The following AGBL4 variants were observed in gnomAD, a reference collection of about 807,000 sequenced individuals.
AGBL4 encodes the protein cytosolic carboxypeptidase 6.
A neutral mutation model predicts 66.4 loss-of-function variants in AGBL4; 58 were observed. The observed-to-expected ratio is 0.87, with a 90% CI of 0.71 to 1.09. The LOEUF (loss-of-function observed/expected upper bound fraction) is 1.09, where lower values mean the gene tolerates loss of function less well. Among genes scored for constraint, AGBL4 ranks in the 50% least tolerant of loss-of-function variants. The pLI, the probability that AGBL4 is intolerant of heterozygous loss-of-function variation, is 0.00. For synonymous variants in AGBL4, 234 were observed against 222.9 expected (o/e 1.05, Z -0.44); for missense variants, 579 against 631.0 (o/e 0.92, Z 0.88).
intron 5 of AGBL4, among the ~76,000 whole-genome samples, chr1:49,019,368 C>G (rs1003438405): frequency 1.3e-5 from 2 of 152,194 alleles, no homozygotes; most frequent in African/African-American, 4.8e-5. Flanking sequence ...TCAAGGAAAG[C>G]AGTTTCTCTT....
intron 9 of AGBL4, among the ~76,000 whole-genome samples, chr1:48,607,330 T>C (rs1257394126): frequency 6.6e-6 from 1 of 152,104 alleles, no homozygotes. Context: ...GAAAGTCTAT[T>C]GAGCAGGCCA....
intron 1 of AGBL4, among the ~76,000 whole-genome samples, chr1:49,963,995 A>C (rs1055764649): frequency 6.6e-5 from 10 of 152,254 alleles, no homozygotes; most frequent in Non-Finnish European, 1.2e-4. Flanking sequence ...CTCATGCAAA[A>C]ATAATTACAA....
In AGBL4 at chr1:49,843,243, C is replaced by T. The variant is rs560555007; in HGVS notation, c.157+8153G>A. 3.9e-5 allele frequency among the ~76,000 whole-genome samples: 6 copies of T among 152,222 alleles called. No individual in the cohort carries two copies. In the East Asian group the frequency reaches 5.8e-4, roughly 15 times the overall value. On this transcript the variant is annotated intron_variant, in intron 2 of 13. Coordinates refer to ENST00000371839, the MANE Select transcript of AGBL4 (RefSeq NM_032785.4). ...CTGGGCTCGGGTGATCCTCCTGCCT[C>T]GGCCTCCTGAGTAGCTGGGACTGCA...
intron 4 of AGBL4, among the ~76,000 whole-genome samples, chr1:49,228,975 T>A (rs2148292635): frequency 6.6e-6 from 1 of 152,288 alleles, no homozygotes; most frequent in African/African-American, 2.4e-5. Context: ...TTCTCCATTC[T>A]CAGCATGCCG....
At chr1:49,113,053 C>T (rs2148025024) in intron 4 of AGBL4, among the ~76,000 whole-genome samples, 1 of 151,744 alleles carries the variant, frequency 6.6e-6, no homozygotes, top group Middle Eastern at 3.4e-3. Flanking sequence ...CCAGGTTGCG[C>T]CATTCTCCTG....
At chr1:48,644,439 C>T (rs563831354) in intron 8 of AGBL4, among the ~76,000 whole-genome samples, 94 of 152,320 alleles carry the variant, frequency 6.2e-4, no homozygotes, top group African/African-American at 1.9e-3. Context: ...CTTCTCTGGA[C>T]TGTGAACTCC....
chr1:49,006,831 G>A (rs1205435116), intron 5 of AGBL4, among the ~76,000 whole-genome samples: 7 of 149,918 alleles, frequency 4.7e-5, no homozygotes, highest in African/African-American at 1.7e-4. Context: ...CTGTTAGAAG[G>A]AAAACTAACA....
In AGBL4 at chr1:49,245,276, AC is replaced by A. The variant is rs1651549489; in HGVS notation, c.377+493del. On this transcript the variant is annotated intron_variant, in intron 4 of 13. Coordinates refer to ENST00000371839, the MANE Select transcript of AGBL4 (RefSeq NM_032785.4). Reference sequence around the variant, plus strand: ...TTAAAATACACACACACACACACACACACACACACACACACACACAAAACAC... The same window carrying A: ...TTAAAATACACACACACACACACACAACACACACACACACACACAAAACAC... Among the ~76,000 whole-genome samples the A allele has an allele frequency of 2.6e-5, 4 of 151,136 alleles. No homozygotes were observed. In the East Asian group the frequency reaches 7.8e-4, roughly 29 times the overall value.
chr1:49,737,853 C>T (rs1650027837), intron 2 of AGBL4, among the ~76,000 whole-genome samples: 3 of 152,186 alleles, frequency 2.0e-5, no homozygotes, highest in African/African-American at 7.2e-5. Flanking sequence ...TCTTAGATGG[C>T]CGAATAGGAA....
intron 4 of AGBL4, among the ~76,000 whole-genome samples, chr1:49,176,088 C>T (rs1473017847): frequency 6.6e-6 from 1 of 152,052 alleles, no homozygotes; most frequent in African/African-American, 2.4e-5. Context: ...TCTGTAGGTA[C>T]ATAGTTAAGT....
chr1:48,890,184 C>T (rs189692636), intron 5 of AGBL4, among the ~76,000 whole-genome samples: 13 of 152,204 alleles, frequency 8.5e-5, no homozygotes, highest in African/African-American at 2.9e-4. Flanking sequence ...CTGTCTCTCA[C>T]GCAGGTTTAC....
intron 5 of AGBL4, among the ~76,000 whole-genome samples, chr1:48,972,864 G>T (rs1365413454): frequency 6.6e-6 from 1 of 152,176 alleles, no homozygotes; most frequent in Non-Finnish European, 1.5e-5. Context: ...CCCACTGTTT[G>T]TTACGCAGTA....
rs555436167 is a variant in AGBL4, at chr1:49,993,807, C to A, written c.34+29956G>T. ...AGGTGTAGATCAACACTACAACTGG[C>A]CCACAATAAGCATATAAATGGAAGC... is the stretch of plus-strand genomic sequence containing the variant. On this transcript the variant is annotated intron_variant, in intron 1 of 13. Coordinates refer to ENST00000371839, the MANE Select transcript of AGBL4 (RefSeq NM_032785.4). Among the ~76,000 whole-genome samples the A allele has an allele frequency of 2.4e-4, 35 of 145,798 alleles. 1 individual carries two copies. In the South Asian group the frequency reaches 7.2e-3, roughly 30 times the overall value.
chr1:49,975,884 G>T (rs147064372), intron 1 of AGBL4, among the ~76,000 whole-genome samples: 1 of 152,262 alleles, frequency 6.6e-6, no homozygotes, highest in East Asian at 1.9e-4. Flanking sequence ...TACTGCTGCT[G>T]CAAGTACTAA....
chr1:48,798,367 C>G (rs1570698580), intron 6 of AGBL4, among the ~76,000 whole-genome samples: 1 of 151,996 alleles, frequency 6.6e-6, no homozygotes, highest in African/African-American at 2.4e-5. Context: ...CTTGTAGATT[C>G]TGGATATTAG....
intron 3 of AGBL4, among the ~76,000 whole-genome samples, chr1:49,424,604 G>C (rs1384693508): frequency 6.6e-6 from 1 of 152,172 alleles, no homozygotes; most frequent in East Asian, 1.9e-4. Flanking sequence ...AAATGTGTGA[G>C]GGAAATTAAC....
intron 4 of AGBL4, among the ~76,000 whole-genome samples, chr1:49,047,030 C>T (rs989712194): frequency 1.3e-5 from 2 of 152,072 alleles, no homozygotes; most frequent in African/African-American, 4.8e-5. Context: ...CTGGAGAAAA[C>T]TGTTAACAGA....
intron 2 of AGBL4, among the ~76,000 whole-genome samples, chr1:49,724,105 T>G (rs1490966482): frequency 6.6e-6 from 1 of 152,152 alleles, no homozygotes; most frequent in Non-Finnish European, 1.5e-5. Context: ...CCACTTTTCT[T>G]TGAGATTTTG....
intron 1 of AGBL4, among the ~76,000 whole-genome samples, chr1:49,948,279 T>C (rs1309507170): frequency 2.0e-5 from 2 of 101,394 alleles, no homozygotes; most frequent in Non-Finnish European, 3.3e-5. Flanking sequence ...TACATATAAA[T>C]ATATATAAAT....
Sources: gnomAD v4.1 joint callset for allele counts (sites outside exome capture counted in the v4.1 genomes callset) on GRCh38, gnomAD v4.1.1 for gene constraint, MANE v1.5 for transcripts, NCBI Gene and HGNC (gene_info 2026-07-23, HGNC 2026-07-21) for gene names.